Variants in FBXL13 observed in about 807,000 individuals in gnomAD.
The protein encoded by FBXL13 is F-box and leucine-rich repeat protein 13.
A neutral mutation model predicts 83.6 loss-of-function variants in FBXL13; 67 were observed. That is an observed-to-expected ratio of 0.80 (90% CI 0.66 to 0.98). The LOEUF (loss-of-function observed/expected upper bound fraction) is 0.98. Ranked by LOEUF, FBXL13 falls within the 50% of genes least tolerant of loss-of-function variation. FBXL13 has a pLI of 0.00. For synonymous variants in FBXL13, 272 were observed against 299.5 expected (o/e 0.91, Z 0.95); for missense variants, 822 against 866.5 (o/e 0.95, Z 0.64).
At chr7:102,826,318 T>C (rs182142736) in intron 18 of FBXL13, among the ~76,000 whole-genome samples, 3 of 152,250 alleles carry the variant, frequency 2.0e-5, no homozygotes, top group East Asian at 3.9e-4. Flanking sequence ...TATTAACTAA[T>C]GAAAATCTAA....
chr7:102,811,226 C>T (rs1797414768), downstream of FBXL13, among the ~76,000 whole-genome samples: 1 of 152,160 alleles, frequency 6.6e-6, no homozygotes, highest in Non-Finnish European at 1.5e-5. Context: ...TTTAAAGCTA[C>T]TAATGGAATT....
chr7:102,985,284 C>G (rs1828805724), intron 6 of FBXL13, among the ~76,000 whole-genome samples: 1 of 152,206 alleles, frequency 6.6e-6, no homozygotes, highest in Admixed American at 6.5e-5. Flanking sequence ...TAGACCATGT[C>G]CTAGCACATC....
intron 6 of FBXL13, among the ~76,000 whole-genome samples, chr7:103,002,453 C>G (rs75646869): frequency 6.6e-6 from 1 of 152,162 alleles, no homozygotes; most frequent in African/African-American, 2.4e-5. Flanking sequence ...CACCATGACA[C>G]ACTATTAGAA....
intron 16 of FBXL13, chr7:102,874,392 T>C (rs1180667125): frequency 1.0e-6 from 1 of 984,886 alleles, no homozygotes; most frequent in Non-Finnish European, 1.2e-6. Context: ...TTTAACTGAC[T>C]TGGAGGAAGA....
At chr7:102,924,180 G>A (rs1174477941) in intron 10 of FBXL13, among the ~76,000 whole-genome samples, 1 of 151,326 alleles carries the variant, frequency 6.6e-6, no homozygotes, top group African/African-American at 2.4e-5. Flanking sequence ...GAAGGTTGCG[G>A]TGAGCTGAGA....
intron 3 of FBXL13, 141 bp downstream of exon 4, chr7:103,029,210 G>T (rs1300830003): frequency 2.1e-6 from 1 of 478,122 alleles, no homozygotes; most frequent in South Asian, 3.5e-5. Context: ...AAATATAAAA[G>T]AAATATATAA....
intron 5 of FBXL13, among the ~76,000 whole-genome samples, 167 bp from the exon 7 acceptor site, chr7:103,025,397 C>T (rs1273832999): frequency 1.3e-5 from 2 of 151,608 alleles, no homozygotes; most frequent in African/African-American, 2.4e-5. Flanking sequence ...GTTTAATGTT[C>T]TCTAAACCAC....
intron 19 of FBXL13, among the ~76,000 whole-genome samples, chr7:102,818,113 A>G (rs1002528255): frequency 1.3e-5 from 2 of 152,230 alleles, no homozygotes; most frequent in African/African-American, 4.8e-5. Flanking sequence ...TCTCTTGAGT[A>G]GGCAAAAAAA....
At chr7:102,882,792 C>T (rs1029240938) in intron 14 of FBXL13, among the ~76,000 whole-genome samples, 1 of 131,664 alleles carries the variant, frequency 7.6e-6, no homozygotes, top group Non-Finnish European at 1.6e-5. Flanking sequence ...CAAAACAAAA[C>T]AAAAAAACAG....
chr7:102,822,183 C>G, exon 19 of FBXL13: 1 of 1,614,092 alleles, frequency 6.2e-7, no homozygotes, highest in Non-Finnish European at 8.5e-7. Context: ...CCGATAACAT[C>G]TCCATTGCTG....
At chr7:103,002,886 G>A (rs1228399763) in intron 6 of FBXL13, among the ~76,000 whole-genome samples, 1 of 152,074 alleles carries the variant, frequency 6.6e-6, no homozygotes, top group East Asian at 1.9e-4. Context: ...AGTCTTAATT[G>A]TGTTGAATCT....
chr7:102,923,867 G>T (rs1201359255), intron 10 of FBXL13, among the ~76,000 whole-genome samples: 1 of 151,798 alleles, frequency 6.6e-6, no homozygotes, highest in Non-Finnish European at 1.5e-5. Flanking sequence ...TATATAAGAA[G>T]GAATCACACA....
At chr7:102,896,979 G>T (rs1812325593) in intron 11 of FBXL13, among the ~76,000 whole-genome samples, 1 of 151,932 alleles carries the variant, frequency 6.6e-6, no homozygotes, top group Admixed American at 6.6e-5. Context: ...AACTGAGATG[G>T]GGAGGGCTGT....
chr7:102,980,193 C>T (rs1828017797), intron 6 of FBXL13, among the ~76,000 whole-genome samples: 1 of 152,182 alleles, frequency 6.6e-6, no homozygotes, highest in African/African-American at 2.4e-5. Flanking sequence ...TTGGAGGACT[C>T]ACATTTCCTG....
chr7:102,879,769 C>T (rs750655634), intron 14 of FBXL13, among the ~76,000 whole-genome samples: 2 of 152,112 alleles, frequency 1.3e-5, no homozygotes, highest in African/African-American at 4.8e-5. Context: ...TGCAGTGGCA[C>T]GATCTCAGCT....
intron 16 of FBXL13, among the ~76,000 whole-genome samples, chr7:102,869,870 C>A (rs1476329877): frequency 6.6e-6 from 1 of 152,196 alleles, no homozygotes; most frequent in Non-Finnish European, 1.5e-5. Context: ...CAGAACACTG[C>A]AGCAAAGGTG....
chr7:102,822,148 A>C, exon 19 of FBXL13: 2 of 1,614,250 alleles, frequency 1.2e-6, no homozygotes, highest in Non-Finnish European at 1.7e-6. Context: ...AGAGATATCC[A>C]AAATGTGCAG....
chr7:103,048,318 T>A (rs756441877), intron 2 of FBXL13, among the ~76,000 whole-genome samples: 63 of 151,942 alleles, frequency 4.1e-4, no homozygotes, highest in Middle Eastern at 3.4e-3. Flanking sequence ...ACTCAAAAAA[T>A]TTTTTAAAGG....
intron 11 of FBXL13, among the ~76,000 whole-genome samples, chr7:102,907,645 T>G (rs1030533712): frequency 6.6e-6 from 1 of 152,194 alleles, no homozygotes; most frequent in Non-Finnish European, 1.5e-5. Flanking sequence ...ACAAAGGACA[T>G]GAACTCATCC....
Sources: gnomAD v4.1 joint callset for allele counts (sites outside exome capture counted in the v4.1 genomes callset) on GRCh38, gnomAD v4.1.1 for gene constraint, MANE v1.5 for transcripts, NCBI Gene and HGNC (gene_info 2026-07-23, HGNC 2026-07-21) for gene names.